DDX55: variants seen among roughly 807,000 people sequenced by gnomAD.
The protein encoded by DDX55 is ATP-dependent RNA helicase DDX55.
A neutral mutation model predicts 69.2 loss-of-function variants in DDX55; 56 were observed. The observed-to-expected ratio is 0.81, with a 90% CI of 0.65 to 1.01. The LOEUF (loss-of-function observed/expected upper bound fraction) is 1.01. Ranked by LOEUF, DDX55 falls within the 50% of genes least tolerant of loss-of-function variation. The pLI is 0.00. For synonymous variants in DDX55, 268 were observed against 273.1 expected, an observed-to-expected ratio of 0.98 and a Z score of 0.18; for missense variants, 720 against 745.1, an observed-to-expected ratio of 0.97 and a Z score of 0.39.
chr12:123,602,529 C>A (rs972646684), intron 1 of DDX55, among the ~76,000 whole-genome samples: 6 of 152,174 alleles, frequency 3.9e-5, no homozygotes, highest in African/African-American at 1.4e-4. Flanking sequence ...TGTGAGACCT[C>A]GGGCAAATGG....
rs781765406 is a variant in DDX55 at position 123,619,786 on chromosome 12, TTAAA to T, written c.1626+65_1626+68del. ...TGAACAAATTTATTGTAGTAGTTCT[TTAAA>T]TAGGAATTGTGTGGGGCTGTCAGAT... On this transcript the variant is annotated intron_variant, in intron 13 of 13. Coordinates refer to ENST00000238146, the MANE Select transcript of DDX55 (RefSeq NM_020936.3). 842 of 1,525,358 alleles carry T rather than the reference TTAAA, an allele frequency of 5.5e-4. 1 individual carries two copies. Among genetic ancestry groups the T allele is most frequent in the Non-Finnish European group, 6.9e-4 (792 of 1,148,654 alleles). 94.5% of individuals were successfully genotyped at this position (1,525,358 alleles called of 1,614,324 possible). A position where few individuals can be genotyped will look rare whatever the true frequency, so the allele number is the denominator to read the frequency against.
intron 1 of DDX55, among the ~76,000 whole-genome samples, chr12:123,602,468 G>A (rs1953625904): frequency 6.6e-6 from 1 of 152,210 alleles, no homozygotes; most frequent in Non-Finnish European, 1.5e-5. Flanking sequence ...CCCCGCCCTC[G>A]GGTGCTGTGG....
At chr12:123,609,534 CTTT>C (rs112292353) in intron 6 of DDX55, among the ~76,000 whole-genome samples, 27 of 146,922 alleles carry the variant, frequency 1.8e-4, no homozygotes, top group South Asian at 6.5e-4. Context: ...TGCCATCATG[CTTT>C]TTTTTTTTAA....
rs149103406 is a variant in DDX55, at chr12:123,613,253, G to A, written c.824+1G>A. On this transcript the variant is annotated splice_donor_variant, in intron 8 of 13. Coordinates refer to ENST00000238146, the MANE Select transcript of DDX55 (RefSeq NM_020936.3). LOFTEE classifies it high-confidence loss of function. Reference sequence around the variant, plus strand: ...AGGAGAAACACCTGGTCTTCTTCAGGTACTCCTCTGGTCTCTGTGGTAGAG... The same window carrying A: ...AGGAGAAACACCTGGTCTTCTTCAGATACTCCTCTGGTCTCTGTGGTAGAG... 16 of 1,613,820 alleles carry A rather than the reference G, an allele frequency of 9.9e-6. No individual in the cohort carries two copies. In the East Asian group the frequency reaches 2.9e-4, roughly 29 times the overall value.
chr12:123,607,734 C>G, intron 5 of DDX55, 72 bp downstream of exon 5: 1 of 1,606,406 alleles, frequency 6.2e-7, no homozygotes, highest in Non-Finnish European at 8.5e-7. Context: ...TGTGTGATCT[C>G]AGCCTAACTG....
At chr12:123,610,963 C>A (rs1009873560) in intron 7 of DDX55, among the ~76,000 whole-genome samples, 9 of 151,258 alleles carry the variant, frequency 6.0e-5, no homozygotes, top group African/African-American at 2.2e-4. Context: ...TGCAATGGCA[C>A]GATCTCGGCT....
At chr12:123,615,712 C>T (rs539364291) in intron 9 of DDX55, among the ~76,000 whole-genome samples, 4 of 152,156 alleles carry the variant, frequency 2.6e-5, no homozygotes, top group African/African-American at 4.8e-5. Context: ...AGGCCGGACA[C>T]GGTGGCTCAC....
Position 123,607,604 on chromosome 12 carries a change from A to G in DDX55, c.343A>G (p.Ile115Val). The G allele has an allele frequency of 2.5e-6, 4 of 1,614,162 alleles. No homozygotes were observed. The highest frequency in any genetic ancestry group is 3.4e-6 in the Non-Finnish European group (4 of 1,180,040). Residue 115 changes from isoleucine (I) to valine (V), a missense_variant, in exon 5 of 14, where the codon ATT becomes GTT. Transcript: ENST00000238146. ...AAGGCTGTTTTCTTGTTGTAGCCAGATTCTTTGGATCGGAGGCAGGAATCC... is the reference window on the plus strand; with the variant it reads ...AAGGCTGTTTTCTTGTTGTAGCCAGGTTCTTTGGATCGGAGGCAGGAATCC... Reference protein sequence around the residue: ...FTKHFPEFSQILWIGGRNPGE... With the variant: ...FTKHFPEFSQVLWIGGRNPGE...
intron 3 of DDX55, among the ~76,000 whole-genome samples, chr12:123,606,889 T>C (rs1350903883): frequency 2.6e-5 from 4 of 152,322 alleles, no homozygotes; most frequent in South Asian, 4.1e-4. Flanking sequence ...TTGCACATTT[T>C]TGTGCTTTAT....
Position 123,617,753 on chromosome 12 carries a change from C to T in DDX55, c.1050-5C>T. Reference sequence around the variant, plus strand: ...GGTACCCATTTCCACCCTGTGTTCTCACAGTGCCTTCGTGCATCGCTGCGG... The same window carrying T: ...GGTACCCATTTCCACCCTGTGTTCTTACAGTGCCTTCGTGCATCGCTGCGG... On this transcript the variant is annotated splice_region_variant and splice_polypyrimidine_tract_variant and intron_variant, in intron 10 of 13. Transcript: ENST00000238146. 1 of 1,608,610 alleles carries T rather than the reference C, an allele frequency of 6.2e-7. No individual in the cohort carries two copies. Among genetic ancestry groups the T allele is most frequent in the Non-Finnish European group, 8.5e-7 (1 of 1,177,474 alleles).
rs538355948 is a variant in DDX55, at chr12:123,619,501, G to A, written c.1403G>A (p.Gly468Glu). 8.1e-6 allele frequency: 13 copies of A among 1,613,952 alleles called. No individual in the cohort carries two copies. In the South Asian group the frequency reaches 1.4e-4, roughly 18 times the overall value. ...ATGCCCAAGATGCCAGAATTGAGAG[G>A]AAAGCAGTTTCCAGATTTTGTGCCC... ...LRMPKMPELR[G>E]KQFPDFVPVD... The change falls in exon 13 of 14, where the codon GGA becomes GAA. Residue 468 changes from glycine (G) to glutamate (E), a missense_variant. By Grantham distance (98) the Gly-to-Glu change is moderately conservative. Transcript: ENST00000238146.
chr12:123,603,011 C>T (rs1467127667), intron 1 of DDX55, among the ~76,000 whole-genome samples: 1 of 152,174 alleles, frequency 6.6e-6, no homozygotes, highest in Non-Finnish European at 1.5e-5. Context: ...CATAAATGCC[C>T]TGCGGCAGGC....
chr12:123,611,842 T>C (rs1954267239), intron 7 of DDX55, among the ~76,000 whole-genome samples: 2 of 152,104 alleles, frequency 1.3e-5, no homozygotes, highest in Admixed American at 6.5e-5. Flanking sequence ...CATAGGGTAG[T>C]GTGGAGAGCA....
intron 12 of DDX55, 70 bp from the exon 13 acceptor site, chr12:123,619,362 A>G (rs1037202820): frequency 2.6e-6 from 4 of 1,523,568 alleles, no homozygotes; most frequent in Admixed American, 4.6e-5. Context: ...GAAAAAAATT[A>G]TATTGTAAGC....
Position 123,619,524 on chromosome 12 carries a change from C to G in DDX55, c.1426C>G (p.Pro476Ala), listed in dbSNP as rs1451448329. 1.9e-6 allele frequency: 3 copies of G among 1,613,886 alleles called. No individual in the cohort carries two copies. Among genetic ancestry groups the G allele is most frequent in the Non-Finnish European group, 2.5e-6 (3 of 1,179,944 alleles). The part of the protein sequence containing the change: ...LRGKQFPDFV[P>A]VDVNTDTIPF... ...AGGAAAGCAGTTTCCAGATTTTGTG[C>G]CCGTGGACGTTAATACCGACACGAT... Residue 476 changes from proline (P) to alanine (A), a missense_variant, in exon 13 of 14, where the codon CCC (proline) becomes GCC (alanine). By Grantham distance (27) the Pro-to-Ala change is conservative. Transcript: ENST00000238146.
chr12:123,605,663 C>A, intron 1 of DDX55: 1 of 566,666 alleles, frequency 1.8e-6, no homozygotes, highest in Non-Finnish European at 3.2e-6. Flanking sequence ...TCTTCAACGC[C>A]TTCCTGGTTC....
intron 7 of DDX55, 136 bp from the exon 8 acceptor site, chr12:123,613,034 T>C: frequency 7.2e-6 from 6 of 831,364 alleles, no homozygotes; most frequent in Non-Finnish European, 1.2e-5. Context: ...GGTAGACCAG[T>C]TAACATTCCG....
intron 11 of DDX55, 130 bp from the exon 12 acceptor site, chr12:123,618,539 G>A: frequency 2.6e-6 from 4 of 1,536,436 alleles, no homozygotes; most frequent in Non-Finnish European, 3.5e-6. Flanking sequence ...ATTTGGGTTG[G>A]AGTTGGGCTT....
intron 6 of DDX55, 150 bp downstream of exon 6, chr12:123,608,979 G>A: frequency 1.2e-6 from 1 of 836,738 alleles, no homozygotes; most frequent in Non-Finnish European, 1.7e-6. Flanking sequence ...ATTAGAGACA[G>A]GGTCTTGTGC....
Sources: gnomAD v4.1 joint callset for allele counts (sites outside exome capture counted in the v4.1 genomes callset) on GRCh38, gnomAD v4.1.1 for gene constraint, MANE v1.5 for transcripts, NCBI Gene and HGNC (gene_info 2026-07-23, HGNC 2026-07-21) for gene names.